RBBP7: variants seen among roughly 807,000 people sequenced by gnomAD.
RBBP7 encodes the protein RB binding protein 7, chromatin remodeling factor, also known as histone-binding protein RBBP7.
A neutral mutation model predicts 35.2 loss-of-function variants in RBBP7; 5 were observed. The ratio of observed to expected loss-of-function variants is 0.14; its 90% CI spans 0.07 to 0.30. The LOEUF is 0.30. Ranked by LOEUF, RBBP7 falls within the 10% of genes least tolerant of loss-of-function variation. The probability of loss-of-function intolerance (pLI) is 1.00; values close to 1 mark genes in which losing one functional copy is unlikely to be tolerated. For missense variants in RBBP7, 155 were observed against 327.5 expected (o/e 0.47, Z 4.07); for synonymous variants, 140 against 118.7 (o/e 1.18, Z -1.17).
chrX:16,868,357 C>G (rs1478696378), intron 2 of RBBP7, among the ~76,000 whole-genome samples: 1 of 112,238 alleles, frequency 8.9e-6, no homozygotes. Flanking sequence ...CTTGGGATGG[C>G]ACTTAAACTC....
intron 1 of RBBP7, chrX:16,869,507 A>T (rs1930715490): frequency 5.1e-6 from 6 of 1,167,047 alleles, no homozygotes; most frequent in Non-Finnish European, 6.9e-6. Context: ...TTCTAAGATG[A>T]CGACCTGTAC....
chrX:16,869,508 C>T, intron 1 of RBBP7: 1 of 1,166,823 alleles, frequency 8.6e-7, no homozygotes, highest in Non-Finnish European at 1.1e-6. Context: ...TCTAAGATGA[C>T]GACCTGTACG....
intron 3 of RBBP7, among the ~76,000 whole-genome samples, chrX:16,860,120 A>G (rs972412918): frequency 1.8e-5 from 2 of 109,112 alleles, no homozygotes; most frequent in African/African-American, 3.3e-5. Context: ...TCCTGATCCA[A>G]TCGTCTCCTC....
chrX:16,848,308 C>G (rs1050246941), intron 10 of RBBP7: 2 of 111,702 alleles, frequency 1.8e-5, no homozygotes, highest in African/African-American at 3.3e-5. Context: ...CAAGAACACT[C>G]CCTCCCCACT....
chrX:16,858,290 G>T (rs1930394622), intron 4 of RBBP7, among the ~76,000 whole-genome samples: 2 of 111,957 alleles, frequency 1.8e-5, no homozygotes, highest in Non-Finnish European at 3.8e-5. Context: ...AAAAATCCCA[G>T]ATTCTGAAAC....
At chrX:16,859,516 G>GT (rs747224095) in intron 3 of RBBP7, among the ~76,000 whole-genome samples, 3 of 112,282 alleles carry the variant, frequency 2.7e-5, no homozygotes, top group Non-Finnish European at 5.6e-5. Flanking sequence ...AAAAAGTACG[G>GT]TAACTTCCAA....
chrX:16,844,901 G>A lies in RBBP7; in HGVS notation c.*134C>T, dbSNP rs1930032607. On this transcript the variant is annotated 3_prime_UTR_variant, in exon 12 of 12. Transcript: ENST00000380087. ...AGTACGCAACAGCTCACTTGAAAGT[G>A]CTAGAATCAGAGGATAAAGAAGCCA... The A allele has an allele frequency of 2.0e-6, 1 of 488,684 alleles. No homozygotes were observed. The highest frequency in any genetic ancestry group is 3.6e-5 in the East Asian group (1 of 27,641). 40.3% of individuals were successfully genotyped at this position (488,684 alleles called of 1,213,427 possible).
intron 2 of RBBP7, among the ~76,000 whole-genome samples, chrX:16,866,440 C>T (rs1300993350): frequency 1.1e-5 from 1 of 94,947 alleles, no homozygotes; most frequent in Non-Finnish European, 2.0e-5. Flanking sequence ...GCAGGAGAAT[C>T]GCTTGAACCC....
chrX:16,855,123 C>A lies in RBBP7; in HGVS notation c.598-1281G>T, dbSNP rs780201213. Among the ~76,000 whole-genome samples the A allele has an allele frequency of 9.2e-5, 10 of 108,225 alleles. No homozygotes were observed. The East Asian group carries it at 2.9e-3, about 32-fold the overall frequency. 94.0% of individuals were successfully genotyped at this position (108,225 alleles called of 115,157 possible). A position where few individuals can be genotyped will look rare whatever the true frequency, so the allele number is the denominator to read the frequency against. On this transcript the variant is annotated intron_variant, in intron 5 of 11. Transcript: ENST00000380087. ...GGAATGCAAGGGCACAATTTTGGCGCACTACAACCTCCGCCTCCCGGGTTC... is the reference window on the plus strand; with the variant it reads ...GGAATGCAAGGGCACAATTTTGGCGAACTACAACCTCCGCCTCCCGGGTTC...
chrX:16,850,367 A>G (rs980743531), intron 9 of RBBP7, among the ~76,000 whole-genome samples: 1 of 112,822 alleles, frequency 8.9e-6, no homozygotes, highest in African/African-American at 3.2e-5. Flanking sequence ...ATATTAAACA[A>G]GCTAAGAAAT....
In RBBP7 at chrX:16,862,944, G is replaced by A. The variant is rs1204970421; in HGVS notation, c.307+11C>T. 2 of 1,205,705 alleles carry A rather than the reference G, an allele frequency of 1.7e-6. No homozygotes were observed. On this transcript the variant is annotated intron_variant, in intron 3 of 11. Coordinates refer to ENST00000380087, the MANE Select transcript of RBBP7 (RefSeq NM_002893.4). Reference sequence around the variant, plus strand: ...CTTTGACACCAATATTGGAATATATGATATACCTACCACCCTTGTCACTGT... The same window carrying A: ...CTTTGACACCAATATTGGAATATATAATATACCTACCACCCTTGTCACTGT...
chrX:16,854,144 A>C (rs1930286773), intron 5 of RBBP7, among the ~76,000 whole-genome samples: 1 of 111,906 alleles, frequency 8.9e-6, no homozygotes, highest in Non-Finnish European at 1.9e-5. Context: ...TTGGCCTCCC[A>C]AAGTGCTGGG....
intron 2 of RBBP7, among the ~76,000 whole-genome samples, chrX:16,866,769 T>C (rs1930635469): frequency 9.1e-6 from 1 of 109,795 alleles, no homozygotes; most frequent in Admixed American, 9.8e-5. Context: ...TTTTTACTGT[T>C]CTGTATGGTG....
At chrX:16,853,910 C>T (rs750986562) in intron 5 of RBBP7, 68 bp from the exon 6 acceptor site, 4 of 884,820 alleles carry the variant, frequency 4.5e-6, no homozygotes, top group South Asian at 4.4e-5. Context: ...TTTTTTCCCT[C>T]GAGACAGTGT....
At chrX:16,852,396 T>C in intron 8 of RBBP7, 155 bp downstream of exon 8, 1 of 640,376 alleles carries the variant, frequency 1.6e-6, no homozygotes, top group Non-Finnish European at 2.5e-6. Context: ...TTTTTAATTC[T>C]TCAACAAGGT....
chrX:16,852,494 T>A (rs769760948), intron 8 of RBBP7, 57 bp downstream of exon 8: 4 of 1,151,303 alleles, frequency 3.5e-6, no homozygotes, highest in African/African-American at 1.8e-5. Context: ...ATAGCTTAAC[T>A]GATGAATCCC....
In RBBP7 at chrX:16,861,492, C is replaced by T. The variant is rs757801706; in HGVS notation, c.307+1463G>A. ...CCAAGTAGCTAGGACTACAGGCATG[C>T]GCCACCACACATGGCTGATTTTTAA... is the stretch of plus-strand genomic sequence containing the variant. On this transcript the variant is annotated intron_variant, in intron 3 of 11. Transcript: ENST00000380087. Among the ~76,000 whole-genome samples, 6 of 111,019 alleles carry T rather than the reference C, an allele frequency of 5.4e-5. No homozygotes were observed. In the East Asian group the frequency reaches 8.5e-4, roughly 16 times the overall value.
chrX:16,861,770 C>A (rs73452464), intron 3 of RBBP7, among the ~76,000 whole-genome samples: 3,926 of 111,613 alleles, frequency 0.035, 183 homozygotes, highest in African/African-American at 0.12. Context: ...GCCCTGGAGT[C>A]TCTGAGGAAC....
chrX:16,860,405 T>C (rs1427035568), intron 3 of RBBP7, among the ~76,000 whole-genome samples: 1 of 111,709 alleles, frequency 9.0e-6, no homozygotes, highest in African/African-American at 3.3e-5. Context: ...TAACTCAATA[T>C]TGGCCGGGCG....
Sources: gnomAD v4.1 joint callset for allele counts (sites outside exome capture counted in the v4.1 genomes callset) on GRCh38, gnomAD v4.1.1 for gene constraint, MANE v1.5 for transcripts, NCBI Gene and HGNC (gene_info 2026-07-23, HGNC 2026-07-21) for gene names.